Variants in SVIL observed in about 807,000 individuals in gnomAD.
The protein encoded by SVIL is supervillin.
Under a neutral mutation model 240.4 loss-of-function variants are expected in SVIL, and 101 were observed. The ratio of observed to expected loss-of-function variants is 0.42; its 90% CI spans 0.36 to 0.50. The LOEUF is 0.50. Ranked by LOEUF, SVIL falls within the 20% of genes least tolerant of loss-of-function variation. The pLI is 0.01. For missense variants in SVIL, 2,512 were observed against 2,818.7 expected (o/e 0.89, Z 2.46); for synonymous variants, 999 against 1,100.0 (o/e 0.91, Z 1.82).
upstream of SVIL, among the ~76,000 whole-genome samples, chr10:29,637,413 A>T (rs1958348246): frequency 6.6e-6 from 1 of 151,994 alleles, no homozygotes; most frequent in Non-Finnish European, 1.5e-5. Context: ...CTTGAACCCA[A>T]TCCTGGGAGG....
chr10:29,536,421 C>G (rs552333692), intron 6 of SVIL, among the ~76,000 whole-genome samples: 1 of 152,146 alleles, frequency 6.6e-6, no homozygotes, highest in African/African-American at 2.4e-5. Flanking sequence ...AAAAAATAAA[C>G]AAACAGGAAT....
intron 11 of SVIL, among the ~76,000 whole-genome samples, chr10:29,530,174 T>TA (rs925877252): frequency 2.2e-4 from 34 of 151,448 alleles, no homozygotes; most frequent in African/African-American, 5.8e-4. Context: ...ACCCTATCTC[T>TA]AAAAAAAAAT....
rs1947248540 is a variant in SVIL, at chr10:29,484,909, T to C, written c.4780-78A>G. ...GAATCAGGTGCAACAGGGTCTCTTG[T>C]TGACAGTGAGTCAAACGGAGGAAGA... On this transcript the variant is annotated intron_variant, in intron 26 of 37. Coordinates refer to ENST00000355867, the MANE Select transcript of SVIL (RefSeq NM_021738.3). This position sits in a 1 kb window ranked among gnomAD's most constrained non-coding sequence, Gnocchi z 4.7. 8 of 1,446,800 alleles carry C rather than the reference T, an allele frequency of 5.5e-6. No homozygotes were observed. In the Admixed American group the frequency reaches 6.5e-5, roughly 12 times the overall value. 89.6% of individuals were successfully genotyped at this position (1,446,800 alleles called of 1,614,324 possible). A position where few individuals can be genotyped will look rare whatever the true frequency, so the allele number is the denominator to read the frequency against.
At chr10:29,503,286 A>G (rs547566725) in intron 17 of SVIL, among the ~76,000 whole-genome samples, 1 of 152,360 alleles carries the variant, frequency 6.6e-6, no homozygotes, top group East Asian at 1.9e-4. Context: ...TCACAGGTTA[A>G]GGCTCAGACC....
At chr10:29,679,425 C>A (rs1189881651) in intron 2 of SVIL, among the ~76,000 whole-genome samples, 1 of 152,206 alleles carries the variant, frequency 6.6e-6, no homozygotes. Flanking sequence ...GTCTCCTCTG[C>A]ATCAGATGGG....
At chr10:29,526,305 C>CTTTTTTTTTTTTTTT (rs36004446) in intron 13 of SVIL, among the ~76,000 whole-genome samples, 17 of 115,028 alleles carry the variant, frequency 1.5e-4, no homozygotes, top group South Asian at 2.8e-4. Context: ...TTTTCTCTTT[C>CTTTTTTTTTTTTTTT]TTTTTTTTTT....
At chr10:29,473,790 G>T (rs1188938625) in intron 30 of SVIL, 48 bp downstream of exon 30, 1 of 1,611,840 alleles carries the variant, frequency 6.2e-7, no homozygotes, top group East Asian at 2.2e-5. Flanking sequence ...GCTCCCAGGA[G>T]AGGATGCTCC....
chr10:29,462,806 C>A lies in SVIL; in HGVS notation c.6278-405G>T, dbSNP rs374937247. Among the ~76,000 whole-genome samples, 12 of 152,278 alleles carry A rather than the reference C, an allele frequency of 7.9e-5. No individual in the cohort carries two copies. The East Asian group carries it at 2.1e-3, about 27-fold the overall frequency. The stretch of plus-strand genomic sequence containing the variant: ...CGACAGCATCTTATACATCCACATT[C>A]ACTATAACATTGAGTGGAAGGTTTC... On this transcript the variant is annotated intron_variant, in intron 35 of 37. Coordinates refer to ENST00000355867, the MANE Select transcript of SVIL (RefSeq NM_021738.3).
At chr10:29,727,462 C>T (rs1486983787) in intron 1 of SVIL, among the ~76,000 whole-genome samples, 1 of 151,986 alleles carries the variant, frequency 6.6e-6, no homozygotes, top group Non-Finnish European at 1.5e-5. Flanking sequence ...AAATGTTGTC[C>T]GGGCTGGACT....
chr10:29,726,522 G>A (rs1280290015), intron 1 of SVIL, among the ~76,000 whole-genome samples: 5 of 152,068 alleles, frequency 3.3e-5, no homozygotes, highest in East Asian at 1.9e-4. Context: ...CGAGGCGGGC[G>A]GATCACTTGA....
intron 1 of SVIL, among the ~76,000 whole-genome samples, chr10:29,689,228 C>G (rs1469315676): frequency 1.3e-5 from 2 of 152,062 alleles, no homozygotes; most frequent in African/African-American, 4.8e-5. Flanking sequence ...ATACAGCTAC[C>G]CACTGGCAGA....
intron 16 of SVIL, among the ~76,000 whole-genome samples, chr10:29,513,720 T>A (rs1358861681): frequency 6.6e-6 from 1 of 152,192 alleles, no homozygotes; most frequent in Non-Finnish European, 1.5e-5. Flanking sequence ...CAGAAACTAT[T>A]TTCTATAAAC....
At chr10:29,471,098 G>A (rs1304539322) in intron 31 of SVIL, 40 bp downstream of exon 31, 2 of 1,566,670 alleles carry the variant, frequency 1.3e-6, no homozygotes, top group South Asian at 1.1e-5. Context: ...TCCAAGAGAG[G>A]GAAAGGCAAA....
At chr10:29,655,556 C>T (rs143590091) in intron 3 of SVIL, among the ~76,000 whole-genome samples, 67 of 152,316 alleles carry the variant, frequency 4.4e-4, no homozygotes, top group African/African-American at 1.5e-3. Flanking sequence ...TCCCACTCCA[C>T]CAACTCAAAT....
chr10:29,701,067 A>T (rs1186762719), intron 1 of SVIL, among the ~76,000 whole-genome samples: 1 of 152,148 alleles, frequency 6.6e-6, no homozygotes, highest in Non-Finnish European at 1.5e-5. Context: ...TGCATGTTAC[A>T]GTGGACATGT....
At chr10:29,533,525 T>G in intron 7 of SVIL, 67 bp from the exon 8 acceptor site, 1 of 1,526,776 alleles carries the variant, frequency 6.5e-7, no homozygotes, top group Non-Finnish European at 8.8e-7. Context: ...AAAGCATGCG[T>G]AGATCACAGA....
At chr10:29,518,954 T>A (rs1364850908) in intron 16 of SVIL, among the ~76,000 whole-genome samples, 1 of 152,186 alleles carries the variant, frequency 6.6e-6, no homozygotes, top group Non-Finnish European at 1.5e-5. Flanking sequence ...GAGAACTTAA[T>A]ATAGTCAGGC....
In SVIL at chr10:29,551,069, T is replaced by A; in HGVS notation, c.355A>T (p.Lys119Ter). The change falls in exon 6 of 38, where the codon AAG becomes TAG. Residue 119 changes from lysine to a stop codon, truncating the protein, a stop_gained. Transcript: ENST00000355867. LOFTEE classifies it high-confidence loss of function. Reference protein sequence around the residue: ...KAERRRQLAEKYGLTLDPEAD... With the variant: ...KAERRRQLAE ...TCGGGATCCAGAGTCAGCCCATACTTCTCTGCCAGCTGTCGCCTTCTTTCT... is the reference window on the plus strand; with the variant it reads ...TCGGGATCCAGAGTCAGCCCATACTACTCTGCCAGCTGTCGCCTTCTTTCT... 6.2e-7 allele frequency: 1 copy of A among 1,614,140 alleles called. No individual in the cohort carries two copies. Among genetic ancestry groups the A allele is most frequent in the South Asian group, 1.1e-5 (1 of 91,068 alleles).
In SVIL at chr10:29,493,260, C is replaced by T; in HGVS notation, c.3973G>A (p.Glu1325Lys). ...ATGACATCGAAGTCCTCATCCATCT[C>T]CACAGGACTTCTTGGCATATTATAA... Reference protein sequence around the residue: ...VDYNMPRSPVEMDEDFDVIFD... With the variant: ...VDYNMPRSPVKMDEDFDVIFD... The change falls in exon 21 of 38, where the codon GAG (glutamate) becomes AAG (lysine). Residue 1325 changes from glutamate (E) to lysine (K), a missense_variant. By Grantham distance (56) the Glu-to-Lys change is moderately conservative. Transcript: ENST00000355867. 6.2e-7 allele frequency: 1 copy of T among 1,614,112 alleles called. No individual in the cohort carries two copies. The highest frequency in any genetic ancestry group is 8.5e-7 in the Non-Finnish European group (1 of 1,180,030).
Sources: gnomAD v4.1 joint callset for allele counts (sites outside exome capture counted in the v4.1 genomes callset) on GRCh38, gnomAD v4.1.1 for gene constraint, Gnocchi (gnomAD v3.1) non-coding constraint, MANE v1.5 for transcripts, NCBI Gene and HGNC (gene_info 2026-07-23, HGNC 2026-07-21) for gene names.